CLDN10: variants seen among roughly 807,000 people sequenced by gnomAD.
CLDN10 encodes claudin-10.
CLDN10 carries 15 observed loss-of-function variants against 22.9 expected under a neutral mutation model. The observed-to-expected ratio is 0.65, with a 90% CI of 0.44 to 1.01. CLDN10 has a LOEUF of 1.01. Ranked by LOEUF, CLDN10 falls within the 50% of genes least tolerant of loss-of-function variation. The pLI is 0.00. For missense variants in CLDN10, 247 were observed against 287.8 expected, an observed-to-expected ratio of 0.86 and a Z score of 1.03; for synonymous variants, 114 against 111.4, an observed-to-expected ratio of 1.02 and a Z score of -0.15.
chr13:95,529,028 A>C lies in CLDN10; in HGVS notation c.215-31104A>C, dbSNP rs566396307. Among the ~76,000 whole-genome samples, 23 of 152,184 alleles carry C rather than the reference A, an allele frequency of 1.5e-4. No individual in the cohort carries two copies. In the South Asian group the frequency reaches 4.6e-3, roughly 30 times the overall value. ...TCTTTCTGAAACAAAGCTGGGAACA[A>C]TGTTTTTCTTGTTGTTGTTGTTGTT... On this transcript the variant is annotated intron_variant, in intron 1 of 4. Transcript: ENST00000376873.
intron 1 of CLDN10, among the ~76,000 whole-genome samples, chr13:95,464,021 G>A (rs2139092898): frequency 6.6e-6 from 1 of 151,968 alleles, no homozygotes; most frequent in Non-Finnish European, 1.5e-5. Context: ...TTGGTATTAT[G>A]AAGCTGTCTA....
At chr13:95,452,026 C>T (rs1237879519) in intron 1 of CLDN10, among the ~76,000 whole-genome samples, 1 of 152,188 alleles carries the variant, frequency 6.6e-6, no homozygotes, top group African/African-American at 2.4e-5. Context: ...TCAACAGGAG[C>T]CCCTTTTATC....
chr13:95,499,053 C>T (rs951079107), intron 1 of CLDN10, among the ~76,000 whole-genome samples: 2 of 152,224 alleles, frequency 1.3e-5, no homozygotes, highest in Non-Finnish European at 2.9e-5. Context: ...TGAGTCAGAG[C>T]TTCCTTGCTT....
At chr13:95,529,405 C>A in intron 1 of CLDN10, among the ~76,000 whole-genome samples, 1 of 151,982 alleles carries the variant, frequency 6.6e-6, no homozygotes, top group East Asian at 1.9e-4. Context: ...AAATAATGTA[C>A]CCTGTTACAT....
intron 1 of CLDN10, among the ~76,000 whole-genome samples, chr13:95,502,619 A>T (rs1012561308): frequency 2.6e-5 from 4 of 152,194 alleles, no homozygotes; most frequent in Admixed American, 1.3e-4. Flanking sequence ...TCCCAGGTTC[A>T]TGCGATTCTC....
chr13:95,532,792 C>CAAAA (rs57500288), intron 1 of CLDN10, among the ~76,000 whole-genome samples: 2,208 of 60,428 alleles, frequency 0.037, 107 homozygotes, highest in African/African-American at 0.073. Context: ...CTCAATTCAG[C>CAAAA]AAAAAAAAAA....
chr13:95,483,977 T>C (rs2042777281), intron 1 of CLDN10, among the ~76,000 whole-genome samples: 1 of 152,140 alleles, frequency 6.6e-6, no homozygotes, highest in Non-Finnish European at 1.5e-5. Context: ...CCCTCCCTTA[T>C]CCCTTCCACC....
chr13:95,465,168 A>G (rs1318865624), intron 1 of CLDN10, among the ~76,000 whole-genome samples: 1 of 152,222 alleles, frequency 6.6e-6, no homozygotes, highest in African/African-American at 2.4e-5. Flanking sequence ...AGAATGAGGC[A>G]GAAGCGAAAG....
intron 1 of CLDN10, among the ~76,000 whole-genome samples, chr13:95,516,521 T>G (rs1314646584): frequency 8.4e-6 from 1 of 119,092 alleles, no homozygotes; most frequent in East Asian, 2.6e-4. Context: ...CTATTTTAAC[T>G]TCCTCTGAAA....
intron 1 of CLDN10, among the ~76,000 whole-genome samples, chr13:95,442,966 A>G (rs964483029): frequency 6.6e-6 from 1 of 152,234 alleles, no homozygotes; most frequent in Admixed American, 6.5e-5. Flanking sequence ...GACTTTAACC[A>G]TGTAGCATAA....
chr13:95,552,909 G>T lies in CLDN10; in HGVS notation c.156G>T (p.Ala52=). 1 of 1,614,130 alleles carries T rather than the reference G, an allele frequency of 6.2e-7. No individual in the cohort carries two copies. Among genetic ancestry groups the T allele is most frequent in the Non-Finnish European group, 8.5e-7 (1 of 1,180,008 alleles). ...CCTATTGGGCCAACCTGTGGAAGGC[G>T]TGCGTTACCGACTCCACGGGCGTCT... ...TATYWANLWK[A]CVTDSTGVSN... is the part of the protein sequence containing the mutation. Residue 52 remains alanine, a synonymous_variant, in exon 1 of 5, where the codon GCG becomes GCT. Coordinates refer to ENST00000299339, the MANE Select transcript of CLDN10 (RefSeq NM_006984.5).
chr13:95,570,858 G>GTGTATATATATATATATATATATATATA (rs60359070), intron 3 of CLDN10, among the ~76,000 whole-genome samples: 11 of 119,718 alleles, frequency 9.2e-5, no homozygotes, highest in Non-Finnish European at 1.5e-4. Flanking sequence ...ATATACGTGT[G>GTGTATATATATATATATATATATATATA]TATATATATA....
chr13:95,470,096 G>C (rs2042616114), intron 1 of CLDN10, among the ~76,000 whole-genome samples: 1 of 152,090 alleles, frequency 6.6e-6, no homozygotes, highest in Non-Finnish European at 1.5e-5. Flanking sequence ...TCAACAACTA[G>C]AACCCTGCAA....
At chr13:95,482,649 T>G (rs780255571) in intron 1 of CLDN10, among the ~76,000 whole-genome samples, 3 of 152,192 alleles carry the variant, frequency 2.0e-5, no homozygotes, top group Non-Finnish European at 2.9e-5. Context: ...GATTGTTTTA[T>G]TCTCATGATG....
At chr13:95,499,539 T>A (rs2042963284) in intron 1 of CLDN10, among the ~76,000 whole-genome samples, 1 of 151,938 alleles carries the variant, frequency 6.6e-6, no homozygotes, top group South Asian at 2.1e-4. Flanking sequence ...TGAAACTCCA[T>A]CTCAAAAAAA....
chr13:95,517,709 G>A (rs2043184285), intron 1 of CLDN10, among the ~76,000 whole-genome samples: 1 of 152,138 alleles, frequency 6.6e-6, no homozygotes, highest in Non-Finnish European at 1.5e-5. Context: ...GCTGAGGCGG[G>A]TGGATCACCT....
chr13:95,507,254 C>A (rs1263984695), intron 1 of CLDN10, among the ~76,000 whole-genome samples: 1 of 152,026 alleles, frequency 6.6e-6, no homozygotes, highest in Admixed American at 6.6e-5. Context: ...GGTTAAGGCT[C>A]GGGTAAATTC....
intron 1 of CLDN10, among the ~76,000 whole-genome samples, chr13:95,546,457 C>A (rs2043510671): frequency 6.6e-6 from 1 of 151,792 alleles, no homozygotes. Flanking sequence ...TTAAAAGGTA[C>A]CAAGATCAGT....
intron 1 of CLDN10, among the ~76,000 whole-genome samples, chr13:95,444,731 C>T (rs765149621): frequency 2.0e-5 from 3 of 152,084 alleles, no homozygotes; most frequent in Non-Finnish European, 2.9e-5. Flanking sequence ...GACATTTGAG[C>T]TCCCTCATCT....
Sources: gnomAD v4.1 joint callset for allele counts (sites outside exome capture counted in the v4.1 genomes callset) on GRCh38, gnomAD v4.1.1 for gene constraint, MANE v1.5 for transcripts, NCBI Gene and HGNC (gene_info 2026-07-23, HGNC 2026-07-21) for gene names.